The following ADARB1 variants were observed in gnomAD, a reference collection of about 807,000 sequenced individuals.
The protein encoded by ADARB1 is adenosine deaminase RNA specific B1.
A neutral mutation model predicts 52.4 loss-of-function variants in ADARB1; 10 were observed. The ratio of observed to expected loss-of-function variants is 0.19; its 90% CI spans 0.12 to 0.32. The LOEUF (loss-of-function observed/expected upper bound fraction) is 0.32. Ranked by LOEUF, ADARB1 falls within the 10% of genes least tolerant of loss-of-function variation. The pLI is 1.00. For missense variants in ADARB1, 643 were observed against 922.3 expected (o/e 0.70, Z 3.92); for synonymous variants, 349 against 371.1 (o/e 0.94, Z 0.68).
intron 2 of ADARB1, chr21:45,145,968 G>A (rs2089983662): frequency 1.3e-5 from 2 of 152,282 alleles, no homozygotes; most frequent in African/African-American, 2.4e-5. Flanking sequence ...TTCTCACCGA[G>A]CTGTGGACTC....
chr21:45,111,237 T>G (rs447656), intron 1 of ADARB1, among the ~76,000 whole-genome samples: 131,444 of 152,228 alleles, frequency 0.86, 56,950 homozygotes, highest in Non-Finnish European at 0.9. Context: ...GTTTGTCACT[T>G]GAGCTTGTAT....
Position 45,224,413 on chromosome 21 carries a change from G to C in ADARB1, c.*2216G>C. 1 of 984,452 alleles carries C rather than the reference G, an allele frequency of 1.0e-6. No homozygotes were observed. The highest frequency in any genetic ancestry group is 1.2e-6 in the Non-Finnish European group (1 of 829,852). 61.0% of individuals were successfully genotyped at this position (984,452 alleles called of 1,614,324 possible). On this transcript the variant is annotated 3_prime_UTR_variant, in exon 11 of 11. Transcript: ENST00000348831. ...TTCCGGGGTGGACTCGTGCGGCCTTGAGGACAGGCACAGGGCACCCTATCC... is the reference window on the plus strand; with the variant it reads ...TTCCGGGGTGGACTCGTGCGGCCTTCAGGACAGGCACAGGGCACCCTATCC...
chr21:45,133,150 C>A (rs1170265066), intron 2 of ADARB1, among the ~76,000 whole-genome samples: 3 of 152,244 alleles, frequency 2.0e-5, no homozygotes, highest in Non-Finnish European at 4.4e-5. Context: ...GAAGCCTGAG[C>A]CCCTGATTCT....
At chr21:45,153,980 C>T (rs1265048442) in intron 2 of ADARB1, among the ~76,000 whole-genome samples, 4 of 152,134 alleles carry the variant, frequency 2.6e-5, no homozygotes, top group Non-Finnish European at 5.9e-5. Flanking sequence ...TACCAAATAC[C>T]CTCAATTTAG....
At chr21:45,133,923 G>A (rs2089147781) in intron 2 of ADARB1, among the ~76,000 whole-genome samples, 1 of 131,204 alleles carries the variant, frequency 7.6e-6, no homozygotes, top group Non-Finnish European at 1.6e-5. Context: ...CGACAGTGGT[G>A]TGTGCGCCCG....
intron 2 of ADARB1, among the ~76,000 whole-genome samples, chr21:45,161,357 T>A (rs979438305): frequency 6.6e-6 from 1 of 152,174 alleles, no homozygotes; most frequent in Non-Finnish European, 1.5e-5. Context: ...GGCTGAGAAG[T>A]GCCTGCTCCC....
chr21:45,152,601 G>T (rs761197824), intron 2 of ADARB1: 1 of 420,602 alleles, frequency 2.4e-6, no homozygotes, highest in South Asian at 1.7e-5. Context: ...TGGCATTGGC[G>T]TGTCTGCATG....
Position 45,148,076 on chromosome 21 carries a change from G to A in ADARB1, c.-48+19503G>A, listed in dbSNP as rs535716037. ...CAGGCGTTCTCCCCTCCCAGCCCCC[G>A]TCACAAGCTAAGCATCTGTGAGAAC... On this transcript the variant is annotated intron_variant, in intron 2 of 10. Coordinates refer to ENST00000348831, the MANE Select transcript of ADARB1 (RefSeq NM_001112.4). 6.6e-5 allele frequency among the ~76,000 whole-genome samples: 10 copies of A among 152,288 alleles called. No homozygotes were observed. The South Asian group carries it at 1.9e-3, about 28-fold the overall frequency.
At position 45,144,469 on chromosome 21, in the gene ADARB1, A is replaced by G. The variant is rs541016669; in HGVS notation, c.-48+15896A>G. Among the ~76,000 whole-genome samples, 8 of 152,292 alleles carry G rather than the reference A, an allele frequency of 5.3e-5. No individual in the cohort carries two copies. In the East Asian group the frequency reaches 5.8e-4, roughly 11 times the overall value. On this transcript the variant is annotated intron_variant, in intron 2 of 10. Transcript: ENST00000348831. ...AAATTGATGAACTTTTAAAGTTGGG[A>G]AAAAAAGAGCTTTAAGGTATCTTAT...
intron 2 of ADARB1, among the ~76,000 whole-genome samples, chr21:45,133,864 G>A (rs1446319716): frequency 1.9e-4 from 21 of 111,914 alleles, no homozygotes; most frequent in Admixed American, 1.1e-3. Context: ...TGCGCCCGAC[G>A]GGGGTGTGTG....
chr21:45,184,821 C>A, intron 7 of ADARB1, 102 bp from the exon 8 acceptor site: 1 of 1,274,728 alleles, frequency 7.8e-7, no homozygotes, highest in Non-Finnish European at 1.1e-6. Context: ...TTTATATGCA[C>A]AGACTGTATT....
intron 8 of ADARB1, among the ~76,000 whole-genome samples, 179 bp downstream of exon 8, chr21:45,185,270 G>A (rs554554701): frequency 3.3e-4 from 50 of 152,368 alleles, no homozygotes; most frequent in African/African-American, 1.2e-3. Context: ...CCCGTGAGGG[G>A]CAGCAGCAGG....
In ADARB1 at chr21:45,080,759, G is replaced by A. The variant is rs546100262; in HGVS notation, c.-220+5966G>A. On this transcript the variant is annotated intron_variant, in intron 1 of 10. Transcript: ENST00000348831. Reference sequence around the variant, plus strand: ...AGTACTCAGAGGACTAGAAGACTCGGTGCCTGATTTGTGCTTGATTTGCCT... The same window carrying A: ...AGTACTCAGAGGACTAGAAGACTCGATGCCTGATTTGTGCTTGATTTGCCT... Among the ~76,000 whole-genome samples the A allele has an allele frequency of 9.2e-5, 14 of 152,310 alleles. No homozygotes were observed. The South Asian group carries it at 2.3e-3, about 25-fold the overall frequency.
chr21:45,077,391 C>T (rs915824013), intron 1 of ADARB1, among the ~76,000 whole-genome samples: 4 of 152,186 alleles, frequency 2.6e-5, no homozygotes, highest in African/African-American at 4.8e-5. Context: ...GGTGGCCGGG[C>T]GCGGTGGCTC....
At chr21:45,134,487 A>G (rs2089243023) in intron 2 of ADARB1, among the ~76,000 whole-genome samples, 1 of 145,854 alleles carries the variant, frequency 6.9e-6, no homozygotes, top group East Asian at 2.2e-4. Flanking sequence ...CGGCAGGGGT[A>G]CGTACACTCG....
rs1396292921 is a variant in ADARB1, at chr21:45,128,094, C to T, written c.-219-308C>T. 6.6e-6 allele frequency among the ~76,000 whole-genome samples: 1 copy of T among 152,174 alleles called. No individual in the cohort carries two copies. Among genetic ancestry groups the T allele is most frequent in the Non-Finnish European group, 1.5e-5 (1 of 68,040 alleles). ...AAAAAAGATGAGTACGTGTGAGATT[C>T]TGCCTGAGACTCCAGTCCTCAGTGT... On this transcript the variant is annotated intron_variant, in intron 1 of 10. Transcript: ENST00000348831. This position sits in a 1 kb window ranked among gnomAD's most constrained non-coding sequence, Gnocchi z 4.6.
intron 2 of ADARB1, among the ~76,000 whole-genome samples, chr21:45,165,218 G>C (rs919319624): frequency 2.0e-5 from 3 of 151,592 alleles, no homozygotes; most frequent in African/African-American, 7.3e-5. Context: ...GTTGCTGACT[G>C]GACCACTGAG....
At chr21:45,077,169 G>C (rs1432315712) in intron 1 of ADARB1, among the ~76,000 whole-genome samples, 1 of 152,204 alleles carries the variant, frequency 6.6e-6, no homozygotes, top group Non-Finnish European at 1.5e-5. Flanking sequence ...TTTCTTAGCT[G>C]TAAGTTTTAC....
intron 1 of ADARB1, among the ~76,000 whole-genome samples, chr21:45,093,372 C>A (rs1207253633): frequency 6.6e-6 from 1 of 152,206 alleles, no homozygotes; most frequent in African/African-American, 2.4e-5. Context: ...CTTGGCTCTT[C>A]TAGGTCTGGC....
Sources: gnomAD v4.1 joint callset for allele counts (sites outside exome capture counted in the v4.1 genomes callset) on GRCh38, gnomAD v4.1.1 for gene constraint, Gnocchi (gnomAD v3.1) non-coding constraint, MANE v1.5 for transcripts, NCBI Gene and HGNC (gene_info 2026-07-23, HGNC 2026-07-21) for gene names.